The following CDC42SE2 variants were observed in gnomAD, a reference collection of about 807,000 sequenced individuals.
CDC42SE2 encodes the protein CDC42 small effector protein 2.
Under a neutral mutation model 11.5 loss-of-function variants are expected in CDC42SE2, and 3 were observed. The observed-to-expected ratio is 0.26, with a 90% CI of 0.12 to 0.67. The LOEUF (loss-of-function observed/expected upper bound fraction) is 0.67, where lower values mean the gene tolerates loss of function less well. Among genes scored for constraint, CDC42SE2 ranks in the 30% least tolerant of loss-of-function variants. The pLI, the probability that CDC42SE2 is intolerant of heterozygous loss-of-function variation, is 0.80. For missense variants in CDC42SE2, 82 were observed against 106.8 expected, an observed-to-expected ratio of 0.77 and a Z score of 1.02; for synonymous variants, 33 against 34.8, an observed-to-expected ratio of 0.95 and a Z score of 0.18.
At chr5:131,299,355 T>C (rs1580739460) in intron 1 of CDC42SE2, among the ~76,000 whole-genome samples, 1 of 152,114 alleles carries the variant, frequency 6.6e-6, no homozygotes, top group Non-Finnish European at 1.5e-5. Context: ...GAGATGATGG[T>C]GGTGCCTAGA....
chr5:131,260,654 C>T (rs1269302268), upstream of CDC42SE2, among the ~76,000 whole-genome samples: 3 of 150,496 alleles, frequency 2.0e-5, no homozygotes, highest in Non-Finnish European at 4.4e-5. Flanking sequence ...AATTAATAGG[C>T]CGAGTGCAGT....
intron 3 of CDC42SE2, among the ~76,000 whole-genome samples, chr5:131,381,662 C>G (rs1365769539): frequency 6.6e-6 from 1 of 152,226 alleles, no homozygotes; most frequent in Non-Finnish European, 1.5e-5. Flanking sequence ...CTTCTTGAAT[C>G]TATCCACTTC....
intron 3 of CDC42SE2, among the ~76,000 whole-genome samples, chr5:131,373,984 G>A (rs1163997814): frequency 3.3e-5 from 5 of 152,042 alleles, no homozygotes; most frequent in East Asian, 1.9e-4. Flanking sequence ...AACCCAGGAA[G>A]TACAAAATCT....
At chr5:131,295,049 C>G (rs544812912) in intron 1 of CDC42SE2, among the ~76,000 whole-genome samples, 1 of 151,924 alleles carries the variant, frequency 6.6e-6, no homozygotes, top group Non-Finnish European at 1.5e-5. Flanking sequence ...ATCGCTTGAA[C>G]CTGGGAGGCG....
upstream of CDC42SE2, among the ~76,000 whole-genome samples, chr5:131,245,144 G>T (rs1293122767): frequency 6.6e-6 from 1 of 152,142 alleles, no homozygotes; most frequent in Non-Finnish European, 1.5e-5. Context: ...CTGGGAGCTG[G>T]TCCCCAACTT....
chr5:131,378,527 G>A (rs1213450287), intron 3 of CDC42SE2, among the ~76,000 whole-genome samples: 2 of 152,010 alleles, frequency 1.3e-5, no homozygotes, highest in Admixed American at 6.5e-5. Context: ...TTCTCTTAAC[G>A]GTTCTGTAAT....
At chr5:131,232,750 A>C in the CDC42SE2 span, among the ~76,000 whole-genome samples, 1,095 of 150,112 alleles carry the variant, frequency 7.3e-3, 36 homozygotes, top group African/African-American at 0.026. Context: ...AAAAAAAAAA[A>C]AAAAACAAAA....
intron 2 of CDC42SE2, among the ~76,000 whole-genome samples, chr5:131,348,349 T>C (rs1295467395): frequency 6.6e-6 from 1 of 151,914 alleles, no homozygotes; most frequent in Non-Finnish European, 1.5e-5. Context: ...TATACATCAA[T>C]AACAGACAGA....
intron 3 of CDC42SE2, among the ~76,000 whole-genome samples, chr5:131,367,110 GTGTGTGTGTATATCATATACA>G (rs1749882428): frequency 6.6e-6 from 1 of 151,112 alleles, no homozygotes; most frequent in African/African-American, 2.4e-5. Context: ...ATATATATGT[GTGTGTGTGTATATCATATACA>G]TATGTGTGTA....
intron 2 of CDC42SE2, among the ~76,000 whole-genome samples, chr5:131,320,134 G>A (rs1273447228): frequency 2.8e-5 from 4 of 144,680 alleles, no homozygotes; most frequent in Admixed American, 1.4e-4. Flanking sequence ...CCTGTAACCC[G>A]AACACTTTGG....
intron 4 of CDC42SE2, among the ~76,000 whole-genome samples, chr5:131,390,078 A>G (rs184877322): frequency 2.6e-4 from 39 of 152,376 alleles, no homozygotes; most frequent in Admixed American, 1.2e-3. Context: ...CAGCCCTGCA[A>G]TGTGGTCGGG....
chr5:131,210,775 T>C, the CDC42SE2 span, among the ~76,000 whole-genome samples: 3 of 152,250 alleles, frequency 2.0e-5, no homozygotes, highest in African/African-American at 4.8e-5. Context: ...TGAGGATTTA[T>C]GTTGTGCATC....
chr5:131,282,664 T>C (rs1757260266), intron 1 of CDC42SE2, among the ~76,000 whole-genome samples: 1 of 152,150 alleles, frequency 6.6e-6, no homozygotes, highest in African/African-American at 2.4e-5. Context: ...AATCTTGCTC[T>C]GTCACCTAGG....
chr5:131,263,907 C>CGGGGGCGGGGCCTGGCG (rs897531998), upstream of CDC42SE2: 81 of 152,216 alleles, frequency 5.3e-4, no homozygotes, highest in Admixed American at 1.0e-3. Context: ...GGAGGTACGG[C>CGGGGGCGGGGCCTGGCG]GGGGGCGGGG....
chr5:131,338,706 A>G lies in CDC42SE2; in HGVS notation c.-285-20503A>G, dbSNP rs144683300. ...GATTAAGTAACTTGCCCAAGATCCT[A>G]GAGATACTGAGCGGAGGGATCCAGA... is the stretch of plus-strand genomic sequence containing the variant. On this transcript the variant is annotated intron_variant, in intron 2 of 4. Coordinates refer to ENST00000505065, the MANE Select transcript of CDC42SE2 (RefSeq NM_001375635.1). Among the ~76,000 whole-genome samples, 630 of 152,318 alleles carry G rather than the reference A, an allele frequency of 4.1e-3. 4 individuals carry two copies. Among genetic ancestry groups the G allele is most frequent in the African/African-American group, 0.013 (546 of 41,584 alleles).
At chr5:131,387,569 C>T (rs1400391224) in intron 4 of CDC42SE2, among the ~76,000 whole-genome samples, 2 of 151,964 alleles carry the variant, frequency 1.3e-5, no homozygotes, top group South Asian at 4.2e-4. Flanking sequence ...TAAATCCAAC[C>T]GTATAGGAGG....
intron 3 of CDC42SE2, among the ~76,000 whole-genome samples, chr5:131,372,727 T>A (rs1307799717): frequency 4.7e-5 from 7 of 149,446 alleles, no homozygotes; most frequent in Non-Finnish European, 8.9e-5. Flanking sequence ...AAAAAAAAAA[T>A]GTCAGACAGA....
intron 2 of CDC42SE2, among the ~76,000 whole-genome samples, chr5:131,351,046 A>G (rs1758997471): frequency 3.3e-5 from 5 of 151,768 alleles, no homozygotes; most frequent in Admixed American, 2.0e-4. Context: ...CCCAGGCTCA[A>G]GTGATCCTCC....
chr5:131,383,295 AAAATT>A (rs1750377416), intron 3 of CDC42SE2, among the ~76,000 whole-genome samples: 1 of 152,244 alleles, frequency 6.6e-6, no homozygotes, highest in African/African-American at 2.4e-5. Flanking sequence ...AGGAAATAGA[AAAATT>A]AAAACACATA....
Sources: allele counts gnomAD v4.1 joint callset (sites outside exome capture counted in the v4.1 genomes callset), GRCh38; gene constraint gnomAD v4.1.1; transcripts MANE v1.5; gene names NCBI Gene and HGNC (gene_info 2026-07-23, HGNC 2026-07-21).